SIPA1L2: variants seen among roughly 807,000 people sequenced by gnomAD.
The protein encoded by SIPA1L2 is signal-induced proliferation-associated 1-like protein 2.
In SIPA1L2, 56 loss-of-function variants were observed where a neutral mutation model predicts 163.9. That is an observed-to-expected ratio of 0.34 (90% CI 0.28 to 0.43). The LOEUF is 0.43. SIPA1L2 is among the 20% of genes least tolerant of loss of function. The pLI, the probability that SIPA1L2 is intolerant of heterozygous loss-of-function variation, is 1.00. For missense variants in SIPA1L2, 1,974 were observed against 2,193.5 expected, an observed-to-expected ratio of 0.90 and a Z score of 2.00; for synonymous variants, 877 against 865.7, an observed-to-expected ratio of 1.01 and a Z score of -0.23.
chr1:232,571,851 G>C (rs1255906422), intron 2 of SIPA1L2, among the ~76,000 whole-genome samples: 3 of 152,128 alleles, frequency 2.0e-5, no homozygotes, highest in Non-Finnish European at 4.4e-5. Context: ...GGTCTCACCA[G>C]AAGCCAAGCA....
intron 2 of SIPA1L2, among the ~76,000 whole-genome samples, chr1:232,554,146 T>C (rs1419575563): frequency 4.6e-5 from 7 of 152,214 alleles, no homozygotes. Flanking sequence ...ATGGATACAT[T>C]TGGTTTTAAA....
chr1:232,579,050 G>A (rs1444968192), intron 1 of SIPA1L2, among the ~76,000 whole-genome samples: 3 of 152,180 alleles, frequency 2.0e-5, no homozygotes, highest in Non-Finnish European at 4.4e-5. Flanking sequence ...CTATCACTGC[G>A]AGGAGGCTCC....
Position 232,402,418 on chromosome 1 carries a change from G to A in SIPA1L2, c.4996C>T (p.Arg1666Ter). 1 of 1,613,490 alleles carries A rather than the reference G, an allele frequency of 6.2e-7. No individual in the cohort carries two copies. The highest frequency in any genetic ancestry group is 8.5e-7 in the Non-Finnish European group (1 of 1,179,558). The change falls in exon 22 of 23, where the codon CGA becomes TGA. Residue 1666 changes from arginine to a stop codon, truncating the protein, a stop_gained. Transcript: ENST00000674635. LOFTEE classifies it high-confidence loss of function. ...GKVNQLELIL[R>*]QLQTDLRKEK... ...TTCCGAAGGTCGGTCTGGAGTTGTCGAAGAATTAATTCCAGCTGATTGACT... is the reference window on the plus strand; with the variant it reads ...TTCCGAAGGTCGGTCTGGAGTTGTCAAAGAATTAATTCCAGCTGATTGACT...
At chr1:232,471,608 T>C in intron 7 of SIPA1L2, 80 bp from the exon 8 acceptor site, 1 of 1,239,598 alleles carries the variant, frequency 8.1e-7, no homozygotes, top group Non-Finnish European at 1.1e-6. Context: ...ATCTTTCAAT[T>C]TGAAGGAGTG....
At chr1:232,469,965 C>T (rs1224616097) in intron 8 of SIPA1L2, among the ~76,000 whole-genome samples, 2 of 151,842 alleles carry the variant, frequency 1.3e-5, no homozygotes, top group Non-Finnish European at 2.9e-5. Flanking sequence ...ATAAAGATAG[C>T]AAGTAATTTA....
At chr1:232,490,793 A>G in intron 5 of SIPA1L2, 81 bp downstream of exon 5, 2 of 1,316,546 alleles carry the variant, frequency 1.5e-6, no homozygotes, top group Non-Finnish European at 2.1e-6. Flanking sequence ...ATCTTACAAG[A>G]AAGATGGATG....
At chr1:232,545,934 G>C (rs1658006103) in intron 2 of SIPA1L2, among the ~76,000 whole-genome samples, 1 of 152,204 alleles carries the variant, frequency 6.6e-6, no homozygotes. Flanking sequence ...TTGCTAAACA[G>C]AATGTAAATT....
chr1:232,515,712 C>T (rs1573013331), intron 2 of SIPA1L2, 104 bp from the exon 3 acceptor site: 2 of 199,048 alleles, frequency 1.0e-5, no homozygotes, highest in East Asian at 1.3e-4. Flanking sequence ...CTTCTGCCCA[C>T]AAAGTTTCAT....
chr1:232,433,950 T>G (rs1302080480), intron 15 of SIPA1L2, among the ~76,000 whole-genome samples: 1 of 152,164 alleles, frequency 6.6e-6, no homozygotes, highest in Non-Finnish European at 1.5e-5. Context: ...AGTATCTACC[T>G]CCGAAGGTTT....
At chr1:232,443,562 G>T (rs762658573) in intron 12 of SIPA1L2, 40 bp downstream of exon 12, 4 of 1,486,754 alleles carry the variant, frequency 2.7e-6, no homozygotes, top group Non-Finnish European at 3.6e-6. Context: ...CAGAAAACAG[G>T]TTCCTCCCAG....
At chr1:232,404,269 A>C (rs1319346437) in intron 19 of SIPA1L2, 91 bp from the exon 20 acceptor site, 7 of 1,110,806 alleles carry the variant, frequency 6.3e-6, no homozygotes, top group Non-Finnish European at 9.4e-6. Flanking sequence ...TGTGTGAAGT[A>C]GTGTGTGTGT....
At chr1:232,487,998 G>A (rs764595496) in intron 5 of SIPA1L2, among the ~76,000 whole-genome samples, 3 of 151,656 alleles carry the variant, frequency 2.0e-5, no homozygotes, top group Admixed American at 6.6e-5. Context: ...CTGTCGCCCA[G>A]GCTGGAGTGC....
intron 21 of SIPA1L2, 35 bp downstream of exon 21, chr1:232,403,413 C>T (rs761379763): frequency 6.3e-7 from 1 of 1,599,868 alleles, no homozygotes; most frequent in Non-Finnish European, 8.5e-7. Context: ...ATGCCTGGAA[C>T]AGCAGGAGGG....
In SIPA1L2 at chr1:232,479,657, C is replaced by G. The variant is rs1174955867; in HGVS notation, c.2055G>C (p.Leu685=). Residue 685 remains leucine (L), a synonymous_variant, in exon 7 of 23, where the codon CTG becomes CTC. Transcript: ENST00000674635. Reference sequence around the variant, plus strand: ...GTCTGTTGTTGGGCATGTAGGGAAGCAGGGTTGACACGTGGAACATGAGTT... The same window carrying G: ...GTCTGTTGTTGGGCATGTAGGGAAGGAGGGTTGACACGTGGAACATGAGTT... ...DYELMFHVST[L]LPYMPNNRQQ... is the part of the protein sequence containing the mutation. 1.2e-5 allele frequency: 19 copies of G among 1,613,572 alleles called. No individual in the cohort carries two copies. The highest frequency in any genetic ancestry group is 1.6e-5 in the Non-Finnish European group (19 of 1,179,750).
chr1:232,446,206 T>C (rs1410380945), intron 10 of SIPA1L2, among the ~76,000 whole-genome samples: 2 of 152,160 alleles, frequency 1.3e-5, no homozygotes, highest in African/African-American at 2.4e-5. Context: ...CCAGGACTTG[T>C]AGGTTAAATA....
chr1:232,452,624 C>T (rs189378100), intron 10 of SIPA1L2, among the ~76,000 whole-genome samples: 136 of 152,344 alleles, frequency 8.9e-4, no homozygotes, highest in African/African-American at 3.1e-3. Context: ...AGGCTATGGA[C>T]TTGGTTCTAA....
At chr1:232,407,391 A>C (rs1440227670) in intron 19 of SIPA1L2, among the ~76,000 whole-genome samples, 2 of 152,224 alleles carry the variant, frequency 1.3e-5, no homozygotes, top group Non-Finnish European at 2.9e-5. Context: ...TAACTGTAAC[A>C]ACTTTATCAA....
chr1:232,428,380 T>C (rs754831070), intron 17 of SIPA1L2, 31 bp downstream of exon 17: 42 of 1,274,430 alleles, frequency 3.3e-5, no homozygotes, highest in Non-Finnish European at 4.3e-5. Flanking sequence ...TTAGTGTTTC[T>C]GGTAACTTCA....
intron 2 of SIPA1L2, among the ~76,000 whole-genome samples, chr1:232,532,740 G>A (rs546328978): frequency 6.6e-6 from 1 of 152,298 alleles, no homozygotes; most frequent in African/African-American, 2.4e-5. Flanking sequence ...CTGAGGCTTA[G>A]CTGCTATATG....
Sources: allele counts gnomAD v4.1 joint callset (sites outside exome capture counted in the v4.1 genomes callset), GRCh38; gene constraint gnomAD v4.1.1; transcripts MANE v1.5; gene names NCBI Gene and HGNC (gene_info 2026-07-23, HGNC 2026-07-21).